ACADM: variants seen among roughly 807,000 people sequenced by gnomAD.
The protein encoded by ACADM is acyl-CoA dehydrogenase medium chain, also known as medium-chain specific acyl-CoA dehydrogenase, mitochondrial.
A neutral mutation model predicts 58.9 loss-of-function variants in ACADM; 49 were observed. That is an observed-to-expected ratio of 0.83 (90% CI 0.66 to 1.06). The LOEUF is 1.06. Ranked by LOEUF, ACADM falls within the 50% of genes least tolerant of loss-of-function variation. ACADM has a pLI of 0.00. For synonymous variants in ACADM, 160 were observed against 157.7 expected (o/e 1.01, Z -0.11); for missense variants, 496 against 507.0 (o/e 0.98, Z 0.21).
chr1:75,734,903 A>G, intron 6 of ACADM, 32 bp downstream of exon 6: 3 of 1,515,218 alleles, frequency 2.0e-6, no homozygotes, highest in South Asian at 1.1e-5. Context: ...TTTATTTCAC[A>G]CTTAAGAAGG....
At chr1:75,733,726 T>G (rs1052234396) in intron 5 of ACADM, 98 bp downstream of exon 5, 2 of 999,488 alleles carry the variant, frequency 2.0e-6, no homozygotes, top group Non-Finnish European at 3.2e-6. Context: ...AAAAGGAAAG[T>G]CAGTTACTAC....
Position 75,737,281 on chromosome 1 carries a change from TATATATATATATATATATATATA to T in ACADM, c.468+2411_468+2433del, listed in dbSNP as rs1433989038. Among the ~76,000 whole-genome samples the T allele has an allele frequency of 6.0e-4, 12 of 20,108 alleles. 1 individual carries two copies. The highest frequency in any genetic ancestry group is 1.3e-3 in the African/African-American group (12 of 9,028). 13.2% of individuals were successfully genotyped at this position (20,108 alleles called of 152,430 possible). A position where few individuals can be genotyped will look rare whatever the true frequency, so the allele number is the denominator to read the frequency against. Reference sequence around the variant, plus strand: ...GACTGCCACCACACACACACACAAATATATATATATATATATATATATATATATATATATATATATATATATGA... The same window carrying T: ...GACTGCCACCACACACACACACAAATTATATATATATATATATATATATGA... On this transcript the variant is annotated intron_variant, in intron 6 of 11. Coordinates refer to ENST00000370841, the MANE Select transcript of ACADM (RefSeq NM_000016.6).
At chr1:75,739,170 A>C (rs1185335376) in intron 6 of ACADM, among the ~76,000 whole-genome samples, 1 of 152,130 alleles carries the variant, frequency 6.6e-6, no homozygotes, top group Non-Finnish European at 1.5e-5. Flanking sequence ...CCCTCCTCGC[A>C]AAGAAGCCAT....
rs778535261 is a variant in ACADM at position 75,740,093 on chromosome 1, C to G, written c.582C>G (p.Asn194Lys). 3 of 1,611,518 alleles carry G rather than the reference C, an allele frequency of 1.9e-6. No homozygotes were observed. The highest frequency in any genetic ancestry group is 2.2e-5 in the South Asian group (2 of 91,008). ...IINGQKMWIT[N>K]GGKANWYFLL... Reference sequence around the variant, plus strand: ...ATGGTCAGAAGATGTGGATAACCAACGGAGGAAAAGCTAATTGGTATGTTG... The same window carrying G: ...ATGGTCAGAAGATGTGGATAACCAAGGGAGGAAAAGCTAATTGGTATGTTG... Residue 194 changes from asparagine (N) to lysine (K), a missense_variant, in exon 7 of 12, where the codon AAC becomes AAG. Coordinates refer to ENST00000370841, the MANE Select transcript of ACADM (RefSeq NM_000016.6).
intron 1 of ACADM, among the ~76,000 whole-genome samples, chr1:75,727,092 C>G (rs1030219528): frequency 6.6e-6 from 1 of 152,036 alleles, no homozygotes; most frequent in African/African-American, 2.4e-5. Flanking sequence ...CATGAGCCAC[C>G]CCACCTGGCA....
intron 7 of ACADM, chr1:75,743,610 C>T: frequency 6.4e-7 from 1 of 1,560,914 alleles, no homozygotes; most frequent in East Asian, 2.2e-5. Flanking sequence ...GGATGGCAGA[C>T]AGGGGGGTTG....
rs560240554 is a variant in ACADM, at chr1:75,734,639, T to C, written c.388-152T>C. The C allele has an allele frequency of 1.8e-5, 11 of 622,410 alleles. No homozygotes were observed. In the East Asian group the frequency reaches 2.8e-4, roughly 16 times the overall value. The allele number at this position is 622,410 out of a possible 1,614,324, so 38.6% of individuals were successfully genotyped here. A position where few individuals can be genotyped will look rare whatever the true frequency, so the allele number is the denominator to read the frequency against. On this transcript the variant is annotated intron_variant, in intron 5 of 11. Transcript: ENST00000370841. ...TACTTAGATTAGCAGATTTATTTCC[T>C]CATTCTAACTTAGAGGCAAGGTATA... is the stretch of plus-strand genomic sequence containing the variant.
chr1:75,744,529 G>T (rs1032858130), intron 7 of ACADM: 59 of 1,507,702 alleles, frequency 3.9e-5, no homozygotes, highest in Non-Finnish European at 5.3e-5. Context: ...ATCTCCCTCT[G>T]TGACAGGTTC....
intron 10 of ACADM, among the ~76,000 whole-genome samples, chr1:75,752,453 G>T (rs1224168158): frequency 6.6e-6 from 1 of 152,100 alleles, no homozygotes; most frequent in Non-Finnish European, 1.5e-5. Flanking sequence ...TGGCACTGTG[G>T]ACAAACTTGG....
At chr1:75,749,852 A>G (rs934324698) in intron 9 of ACADM, among the ~76,000 whole-genome samples, 7 of 151,278 alleles carry the variant, frequency 4.6e-5, no homozygotes, top group African/African-American at 1.7e-4. Flanking sequence ...AGCTGGGACT[A>G]CAGGTGCACA....
chr1:75,726,588 G>C (rs1425046607), intron 1 of ACADM, among the ~76,000 whole-genome samples: 1 of 152,124 alleles, frequency 6.6e-6, no homozygotes, highest in Non-Finnish European at 1.5e-5. Context: ...GTAAATGTTA[G>C]AATCCTGGTT....
chr1:75,759,218 G>T (rs1648685560), intron 10 of ACADM, among the ~76,000 whole-genome samples: 1 of 152,208 alleles, frequency 6.6e-6, no homozygotes, highest in Non-Finnish European at 1.5e-5. Flanking sequence ...ACACTCTTGG[G>T]TGTTCATGGA....
intron 8 of ACADM, among the ~76,000 whole-genome samples, chr1:75,748,806 CAT>C (rs1180954451): frequency 2.0e-5 from 3 of 152,154 alleles, no homozygotes; most frequent in Non-Finnish European, 4.4e-5. Flanking sequence ...TGGTTACACA[CAT>C]ATACATTTGT....
intron 7 of ACADM, chr1:75,744,590 T>A: frequency 1.5e-6 from 2 of 1,312,274 alleles, no homozygotes; most frequent in Non-Finnish European, 2.2e-6. Flanking sequence ...CATACAGTTG[T>A]AGTTCTGAAG....
intron 6 of ACADM, among the ~76,000 whole-genome samples, chr1:75,738,419 A>C (rs1189699966): frequency 6.6e-6 from 1 of 151,642 alleles, no homozygotes; most frequent in African/African-American, 2.4e-5. Context: ...ACAGGGTTTC[A>C]CCATGTTGGC....
Position 75,739,167 on chromosome 1 carries a change from C to T in ACADM, c.469-813C>T, listed in dbSNP as rs559150683. Reference sequence around the variant, plus strand: ...CATATTCTTCCTCTTTTTCCCTCCTCGCAAAGAAGCCATTTTCCTTTTTGA... The same window carrying T: ...CATATTCTTCCTCTTTTTCCCTCCTTGCAAAGAAGCCATTTTCCTTTTTGA... On this transcript the variant is annotated intron_variant, in intron 6 of 11. Coordinates refer to ENST00000370841, the MANE Select transcript of ACADM (RefSeq NM_000016.6). 6.6e-5 allele frequency among the ~76,000 whole-genome samples: 10 copies of T among 152,248 alleles called. 1 individual carries two copies. The highest frequency in any genetic ancestry group is 1.9e-4 in the East Asian group (1 of 5,180).
Position 75,737,499 on chromosome 1 carries a change from G to C in ACADM, c.469-2481G>C, listed in dbSNP as rs1647337472. On this transcript the variant is annotated intron_variant, in intron 6 of 11. Coordinates refer to ENST00000370841, the MANE Select transcript of ACADM (RefSeq NM_000016.6). ...ATTTCAGGGAAAAAAATACCTTAAA[G>C]GTGGTTAAAACAAAATTTTGGTACT... Among the ~76,000 whole-genome samples the C allele has an allele frequency of 2.0e-5, 3 of 151,486 alleles. No individual in the cohort carries two copies. The South Asian group carries it at 6.3e-4, about 32-fold the overall frequency.
chr1:75,734,150 T>C (rs983125330), intron 5 of ACADM, among the ~76,000 whole-genome samples: 1 of 145,768 alleles, frequency 6.9e-6, no homozygotes, highest in Non-Finnish European at 1.5e-5. Flanking sequence ...CACGCCCAGC[T>C]AATTTTTGTA....
chr1:75,736,447 T>C (rs1647267949), intron 6 of ACADM, among the ~76,000 whole-genome samples: 1 of 128,012 alleles, frequency 7.8e-6, no homozygotes, highest in Admixed American at 7.6e-5. Context: ...GCTAGGAAAT[T>C]TGCAATTTTT....
Sources: gnomAD v4.1 joint callset for allele counts (sites outside exome capture counted in the v4.1 genomes callset) on GRCh38, gnomAD v4.1.1 for gene constraint, MANE v1.5 for transcripts, NCBI Gene and HGNC (gene_info 2026-07-23, HGNC 2026-07-21) for gene names.